The following SLC5A8 variants were observed in gnomAD, a reference collection of about 807,000 sequenced individuals.
SLC5A8 encodes the protein sodium-coupled monocarboxylate transporter 1.
Under a neutral mutation model 71.9 loss-of-function variants are expected in SLC5A8, and 55 were observed. That is an observed-to-expected ratio of 0.77 (90% CI 0.62 to 0.96). SLC5A8 has a LOEUF of 0.96. Ranked by LOEUF, SLC5A8 falls within the 40% of genes least tolerant of loss-of-function variation. SLC5A8 has a pLI of 0.00. For synonymous variants in SLC5A8, 307 were observed against 276.1 expected (o/e 1.11, Z -1.11); for missense variants, 701 against 745.3 (o/e 0.94, Z 0.69).
chr12:101,180,230 C>G (rs2051919436), intron 9 of SLC5A8, 134 bp from the exon 10 acceptor site: 2 of 882,106 alleles, frequency 2.3e-6, no homozygotes, highest in Non-Finnish European at 1.9e-6. Flanking sequence ...CACATCAGAG[C>G]CAGTGAATAA....
intron 12 of SLC5A8, among the ~76,000 whole-genome samples, 159 bp downstream of exon 12, chr12:101,166,335 G>A (rs1324679541): frequency 3.3e-5 from 5 of 152,044 alleles, no homozygotes; most frequent in Non-Finnish European, 1.5e-5. Context: ...GACATTTTTT[G>A]TTACCGCTGC....
chr12:101,193,884 G>A, intron 4 of SLC5A8, 105 bp from the exon 5 acceptor site: 1 of 1,183,758 alleles, frequency 8.4e-7, no homozygotes, highest in Non-Finnish European at 1.2e-6. Flanking sequence ...CATGAATGTT[G>A]GCTAAGAAGT....
At position 101,209,498 on chromosome 12, in the gene SLC5A8, C is replaced by T. The variant is rs777715361; in HGVS notation, c.351G>A (p.Glu117=). 4 of 1,591,292 alleles carry T rather than the reference C, an allele frequency of 2.5e-6. No homozygotes were observed. The highest frequency in any genetic ancestry group is 2.6e-6 in the Non-Finnish European group (3 of 1,168,866). ...FYKLGITSTY[E]YLELRFNKCV... ...GGTCCCAGCCCACCCTGCCCCTTAC[C>T]TCGTAGGTGCTGGTAATTCCCAGTT... is the stretch of plus-strand genomic sequence containing the variant. The change falls in exon 1 of 15, where the codon GAG becomes GAA. Residue 117 remains glutamate, a splice_region_variant and synonymous_variant. Coordinates refer to ENST00000536262, the MANE Select transcript of SLC5A8 (RefSeq NM_145913.5).
At chr12:101,170,260 G>A (rs576565511) in intron 10 of SLC5A8, among the ~76,000 whole-genome samples, 2 of 152,318 alleles carry the variant, frequency 1.3e-5, no homozygotes, top group African/African-American at 2.4e-5. Flanking sequence ...AAACGCCACA[G>A]GAGGTGAAAG....
chr12:101,197,178 A>T (rs1405558979), intron 3 of SLC5A8, among the ~76,000 whole-genome samples: 1 of 152,242 alleles, frequency 6.6e-6, no homozygotes, highest in South Asian at 2.1e-4. Flanking sequence ...AAAATCTGAC[A>T]TTTATCCTCC....
chr12:101,185,704 G>A (rs1468774856), intron 7 of SLC5A8, among the ~76,000 whole-genome samples: 1 of 151,998 alleles, frequency 6.6e-6, no homozygotes, highest in African/African-American at 2.4e-5. Context: ...TCAGCCTCCT[G>A]TGTAGCTGGG....
At position 101,180,724 on chromosome 12, in the gene SLC5A8, A is replaced by T. The variant is rs569291889; in HGVS notation, c.1166-628T>A. 1.5e-3 allele frequency among the ~76,000 whole-genome samples: 221 copies of T among 151,602 alleles called. 2 individuals are homozygous for T. Among genetic ancestry groups the T allele is most frequent in the African/African-American group, 4.6e-3 (190 of 41,268 alleles). On this transcript the variant is annotated intron_variant, in intron 9 of 14. Coordinates refer to ENST00000536262, the MANE Select transcript of SLC5A8 (RefSeq NM_145913.5). Reference sequence around the variant, plus strand: ...GTTTTCCCCAGACTTCTTTAAAAAAATTTTTTTTTCATAGAGACGGGGTGT... The same window carrying T: ...GTTTTCCCCAGACTTCTTTAAAAAATTTTTTTTTTCATAGAGACGGGGTGT...
In SLC5A8 at chr12:101,209,500, C is replaced by T. The variant is rs1381499712; in HGVS notation, c.349G>A (p.Glu117Lys). Reference protein sequence around the residue: ...FYKLGITSTYEYLELRFNKCV... With the variant: ...FYKLGITSTYKYLELRFNKCV... ...TCCCAGCCCACCCTGCCCCTTACCT[C>T]GTAGGTGCTGGTAATTCCCAGTTTG... Residue 117 changes from glutamate to lysine, a missense_variant and splice_region_variant, in exon 1 of 15, where the codon GAG (glutamate) becomes AAG (lysine). Glu to Lys is a moderately conservative substitution (Grantham distance 56, BLOSUM62 1). Transcript: ENST00000536262. 1.3e-5 allele frequency: 21 copies of T among 1,580,656 alleles called. No homozygotes were observed. The highest frequency in any genetic ancestry group is 1.8e-5 in the Non-Finnish European group (21 of 1,158,674).
At chr12:101,204,432 T>G in intron 2 of SLC5A8, 68 bp downstream of exon 2, 1 of 1,360,478 alleles carries the variant, frequency 7.4e-7, no homozygotes, top group Non-Finnish European at 1.0e-6. Flanking sequence ...CCAGGTAAGC[T>G]TAATCCAGAT....
At chr12:101,157,660 T>C (rs893492378) in intron 14 of SLC5A8, among the ~76,000 whole-genome samples, 1 of 151,960 alleles carries the variant, frequency 6.6e-6, no homozygotes, top group Non-Finnish European at 1.5e-5. Context: ...GATAGACAGA[T>C]ATATAGAGAG....
At chr12:101,194,965 G>C in intron 4 of SLC5A8, 130 bp downstream of exon 4, 1 of 768,144 alleles carries the variant, frequency 1.3e-6, no homozygotes. Flanking sequence ...CACAAAAAAA[G>C]TTACACTGCA....
intron 1 of SLC5A8, among the ~76,000 whole-genome samples, chr12:101,204,776 C>G (rs540183420): frequency 1.3e-4 from 20 of 152,210 alleles, no homozygotes; most frequent in Non-Finnish European, 2.4e-4. Context: ...CACACTGATT[C>G]ATGTAACCCC....
chr12:101,179,313 T>C (rs528184856), intron 10 of SLC5A8, among the ~76,000 whole-genome samples: 1 of 152,228 alleles, frequency 6.6e-6, no homozygotes, highest in Non-Finnish European at 1.5e-5. Flanking sequence ...CCCAGGGAAA[T>C]GAAGACTTAT....
In SLC5A8 at chr12:101,209,849, GGCCGCACGGTC is replaced by G. The variant is rs1423983408; in HGVS notation, c.-12_-2del. On this transcript the variant is annotated 5_prime_UTR_variant, in exon 1 of 15. Coordinates refer to ENST00000536262, the MANE Select transcript of SLC5A8 (RefSeq NM_145913.5). ...TGCCGATGCCCCGTGGCGTGTCCATGGCCGCACGGTCGCCTGAGCCCTGCGCGCAAACTGGT... is the reference window on the plus strand; with the variant it reads ...TGCCGATGCCCCGTGGCGTGTCCATGGCCTGAGCCCTGCGCGCAAACTGGT... The G allele has an allele frequency of 1.3e-6, 2 of 1,536,010 alleles. No homozygotes were observed. Among genetic ancestry groups the G allele is most frequent in the African/African-American group, 2.8e-5 (2 of 72,652 alleles).
At chr12:101,170,361 A>C (rs1034713123) in intron 10 of SLC5A8, among the ~76,000 whole-genome samples, 1 of 152,138 alleles carries the variant, frequency 6.6e-6, no homozygotes, top group Non-Finnish European at 1.5e-5. Flanking sequence ...CCTACTAATA[A>C]AATTAAAAAT....
chr12:101,170,879 C>T (rs1056558504), intron 10 of SLC5A8, among the ~76,000 whole-genome samples: 5 of 152,180 alleles, frequency 3.3e-5, no homozygotes, highest in Admixed American at 6.5e-5. Context: ...CTGTGGTGCT[C>T]GCGTGTTTCG....
chr12:101,199,032 T>C (rs185356275), intron 3 of SLC5A8, among the ~76,000 whole-genome samples: 11 of 152,022 alleles, frequency 7.2e-5, no homozygotes. Flanking sequence ...AAAATCTGCT[T>C]GATTTAAAAA....
chr12:101,203,453 T>G (rs1869543666), intron 2 of SLC5A8, among the ~76,000 whole-genome samples: 1 of 152,196 alleles, frequency 6.6e-6, no homozygotes, highest in Admixed American at 6.5e-5. Flanking sequence ...GTTCAAGTGA[T>G]TCTCCCACCT....
rs748123105 is a variant in SLC5A8, at chr12:101,157,276, G to C, written c.*3C>G. ...TTTAAGGATATCTAGTATCAGAGCA[G>C]CTTCACAAACGAGTCCCATTGCTCT... On this transcript the variant is annotated 3_prime_UTR_variant, in exon 15 of 15. Coordinates refer to ENST00000536262, the MANE Select transcript of SLC5A8 (RefSeq NM_145913.5). 6 of 1,611,496 alleles carry C rather than the reference G, an allele frequency of 3.7e-6. No homozygotes were observed. The highest frequency in any genetic ancestry group is 8.5e-7 in the Non-Finnish European group (1 of 1,178,932).
Sources: gnomAD v4.1 joint callset for allele counts (sites outside exome capture counted in the v4.1 genomes callset) on GRCh38, gnomAD v4.1.1 for gene constraint, MANE v1.5 for transcripts, NCBI Gene and HGNC (gene_info 2026-07-23, HGNC 2026-07-21) for gene names.